Variants in NEBL observed in about 807,000 individuals in gnomAD.
The protein encoded by NEBL is nebulette.
NEBL carries 122 observed loss-of-function variants against 140.2 expected under a neutral mutation model. The ratio of observed to expected loss-of-function variants is 0.87; its 90% CI spans 0.75 to 1.01. The LOEUF is 1.01. Ranked by LOEUF, NEBL falls within the 50% of genes least tolerant of loss-of-function variation. NEBL has a pLI of 0.00. For missense variants in NEBL, 1,365 were observed against 1,231.3 expected, an observed-to-expected ratio of 1.11 and a Z score of -1.62; for synonymous variants, 436 against 398.9, an observed-to-expected ratio of 1.09 and a Z score of -1.11.
intron 26 of NEBL, among the ~76,000 whole-genome samples, chr10:20,794,614 A>T (rs574775165): frequency 4.5e-4 from 69 of 152,356 alleles, no homozygotes; most frequent in African/African-American, 1.6e-3. Flanking sequence ...AAGAAAATGC[A>T]ACCTACATAA....
At chr10:20,963,862 T>C (rs1458214325) in intron 3 of NEBL, among the ~76,000 whole-genome samples, 1 of 152,206 alleles carries the variant, frequency 6.6e-6, no homozygotes, top group Non-Finnish European at 1.5e-5. Context: ...TCCTATTTCT[T>C]TTGAATGGTG....
intron 2 of NEBL, among the ~76,000 whole-genome samples, chr10:21,151,129 T>C (rs1314601530): frequency 2.6e-5 from 4 of 152,194 alleles, no homozygotes; most frequent in African/African-American, 9.7e-5. Context: ...ACTCGATTCT[T>C]CTGCAGGATT....
At chr10:21,071,209 T>A (rs1835804131) in intron 2 of NEBL, among the ~76,000 whole-genome samples, 1 of 149,028 alleles carries the variant, frequency 6.7e-6, no homozygotes, top group Non-Finnish European at 1.5e-5. Flanking sequence ...TTAATATTAT[T>A]ATAATTTTTA....
intron 1 of NEBL, among the ~76,000 whole-genome samples, chr10:21,278,265 C>T (rs575382501): frequency 8.5e-5 from 13 of 152,192 alleles, no homozygotes; most frequent in Admixed American, 4.6e-4. Context: ...CACAGCAAGA[C>T]GCCGTCTCTA....
chr10:20,901,377 C>T (rs1847862419), upstream of NEBL, among the ~76,000 whole-genome samples: 1 of 152,146 alleles, frequency 6.6e-6, no homozygotes, highest in African/African-American at 2.4e-5. Flanking sequence ...TGGAGTCGTG[C>T]AGTGCACAAC....
At chr10:21,030,612 A>G in intron 2 of NEBL, 1 of 587,356 alleles carries the variant, frequency 1.7e-6, no homozygotes, top group South Asian at 1.5e-5. Context: ...CTCCAGCTCA[A>G]CCGTCTGAGA....
chr10:20,907,987 G>A (rs994951329), intron 4 of NEBL, among the ~76,000 whole-genome samples: 1 of 152,170 alleles, frequency 6.6e-6, no homozygotes, highest in African/African-American at 2.4e-5. Context: ...TTGGGAAAGA[G>A]GAACTCCATA....
chr10:21,197,410 C>T (rs917961519), intron 3 of NEBL, among the ~76,000 whole-genome samples: 2 of 152,122 alleles, frequency 1.3e-5, no homozygotes, highest in Admixed American at 1.3e-4. Context: ...TTGAAAGCAG[C>T]AATTAAACAT....
At chr10:20,942,183 A>C (rs1374402511) in intron 4 of NEBL, among the ~76,000 whole-genome samples, 2 of 152,180 alleles carry the variant, frequency 1.3e-5, no homozygotes, top group Admixed American at 1.3e-4. Flanking sequence ...ACCTGACTTC[A>C]AACTATACTA....
intron 4 of NEBL, among the ~76,000 whole-genome samples, chr10:20,946,654 G>T (rs1327828243): frequency 1.3e-5 from 2 of 152,064 alleles, no homozygotes; most frequent in Non-Finnish European, 2.9e-5. Context: ...TAGAGACGAG[G>T]TTTCACCACG....
chr10:20,922,847 A>C (rs550187136), intron 4 of NEBL, among the ~76,000 whole-genome samples: 1 of 152,298 alleles, frequency 6.6e-6, no homozygotes, highest in Non-Finnish European at 1.5e-5. Flanking sequence ...AAGGGAAGAG[A>C]AGATTTTGTG....
chr10:20,826,864 A>G (rs1379661336), intron 17 of NEBL, among the ~76,000 whole-genome samples: 3 of 152,242 alleles, frequency 2.0e-5, no homozygotes, highest in Non-Finnish European at 4.4e-5. Flanking sequence ...TCCCATGTGT[A>G]TTTGAGAAAA....
chr10:21,234,934 G>T (rs1842328449), intron 3 of NEBL, among the ~76,000 whole-genome samples: 1 of 152,128 alleles, frequency 6.6e-6, no homozygotes, highest in African/African-American at 2.4e-5. Context: ...AACACCCAAG[G>T]CCTCTTTAAC....
intron 2 of NEBL, among the ~76,000 whole-genome samples, chr10:21,135,941 C>A (rs1423927432): frequency 6.6e-6 from 1 of 152,222 alleles, no homozygotes; most frequent in Non-Finnish European, 1.5e-5. Context: ...ATCCCTGAGG[C>A]AGAACTTTCT....
At chr10:20,983,800 T>C (rs1242504606) in intron 3 of NEBL, among the ~76,000 whole-genome samples, 1 of 152,160 alleles carries the variant, frequency 6.6e-6, no homozygotes, top group East Asian at 1.9e-4. Flanking sequence ...ACATGACATG[T>C]ACAATAAGGA....
intron 4 of NEBL, among the ~76,000 whole-genome samples, chr10:20,960,483 TA>T (rs1178287201): frequency 6.6e-6 from 1 of 152,058 alleles, no homozygotes; most frequent in African/African-American, 2.4e-5. Context: ...CCTACTAATA[TA>T]AAATGTCCAT....
Position 20,869,763 on chromosome 10 carries a change from G to C in NEBL, c.559C>G (p.Gln187Glu). The C allele has an allele frequency of 6.2e-7, 1 of 1,611,262 alleles. No homozygotes were observed. ...LDRPDIKMAT[Q>E]ISKIISNAEY... is the part of the protein sequence containing the mutation. ...ACATTGCTTATGATCTTAGAGATCT[G>C]GGTTGCCATCTTGATGTCTGGTCGG... Residue 187 changes from glutamine to glutamate, a missense_variant, in exon 6 of 28, where the codon CAG becomes GAG. By Grantham distance (29) the Gln-to-Glu change is conservative. Transcript: ENST00000377122.
chr10:20,849,790 C>A (rs1842329559), intron 11 of NEBL, among the ~76,000 whole-genome samples: 1 of 152,134 alleles, frequency 6.6e-6, no homozygotes, highest in Admixed American at 6.6e-5. Flanking sequence ...AAAAGGAAAT[C>A]ATTCATGATT....
chr10:21,020,067 G>C (rs751598871), intron 3 of NEBL: 14 of 1,477,852 alleles, frequency 9.5e-6, no homozygotes, highest in Non-Finnish European at 1.3e-5. Flanking sequence ...GAGCAGCCTT[G>C]TGAAAAATCT....
Sources: gnomAD v4.1 joint callset for allele counts (sites outside exome capture counted in the v4.1 genomes callset) on GRCh38, gnomAD v4.1.1 for gene constraint, MANE v1.5 for transcripts, NCBI Gene and HGNC (gene_info 2026-07-23, HGNC 2026-07-21) for gene names.